The following RGCC variants were observed in gnomAD, a reference collection of about 807,000 sequenced individuals.
The protein encoded by RGCC is regulator of cell cycle.
Under a neutral mutation model 15.4 loss-of-function variants are expected in RGCC, and 15 were observed. That is an observed-to-expected ratio of 0.97 (90% CI 0.65 to 1.50). The LOEUF (loss-of-function observed/expected upper bound fraction) is 1.50, where lower values mean the gene tolerates loss of function less well. Among genes scored for constraint, RGCC ranks in the 40% most tolerant of loss-of-function variants. The pLI is 0.00. For missense variants in RGCC, 176 were observed against 189.7 expected (o/e 0.93, Z 0.42); for synonymous variants, 81 against 78.0 (o/e 1.04, Z -0.20).
chr13:41,466,251 ACT>A (rs759731845), intron 2 of RGCC, among the ~76,000 whole-genome samples: 8 of 147,552 alleles, frequency 5.4e-5, no homozygotes, highest in African/African-American at 1.5e-4. Flanking sequence ...ACACACCCAC[ACT>A]CACACACTCA....
intron 3 of RGCC, among the ~76,000 whole-genome samples, chr13:41,467,434 C>A (rs1035260484): frequency 6.6e-6 from 1 of 152,220 alleles, no homozygotes. Flanking sequence ...CAGCCTGTCT[C>A]TACTGTGGTA....
intron 2 of RGCC, among the ~76,000 whole-genome samples, chr13:41,462,051 A>G (rs187147351): frequency 5.4e-4 from 83 of 152,336 alleles, no homozygotes; most frequent in Admixed American, 3.9e-4. Flanking sequence ...TGGCGAGGCT[A>G]TCAGAATTTA....
chr13:41,469,292 T>TAAGAAGAAGAAG (rs1440435520), intron 4 of RGCC, among the ~76,000 whole-genome samples: 40 of 82,058 alleles, frequency 4.9e-4, no homozygotes, highest in African/African-American at 1.4e-3. Flanking sequence ...ATAATAATAA[T>TAAGAAGAAGAAG]AATAAGAAGA....
In RGCC at chr13:41,458,470, A is replaced by G; in HGVS notation, c.235A>G (p.Ser79Gly). 6.3e-7 allele frequency: 1 copy of G among 1,594,652 alleles called. No individual in the cohort carries two copies. Among genetic ancestry groups the G allele is most frequent in the Non-Finnish European group, 8.5e-7 (1 of 1,175,862 alleles). ...CAGCAGCGGCTTCAGCGACTCGGAGAGTAAGTGCGGCCCCCGCTAGGATGG... is the reference window on the plus strand; with the variant it reads ...CAGCAGCGGCTTCAGCGACTCGGAGGGTAAGTGCGGCCCCCGCTAGGATGG... ...SDSSGFSDSE[S>G]ADSLYRNSFS... The change falls in exon 2 of 5, where the codon AGT becomes GGT. Residue 79 changes from serine (S) to glycine (G), a missense_variant and splice_region_variant. Transcript: ENST00000379359. This position sits in a 1 kb window ranked among gnomAD's most constrained non-coding sequence, Gnocchi z 4.4.
intron 2 of RGCC, among the ~76,000 whole-genome samples, chr13:41,463,472 TG>T (rs2043831724): frequency 1.5e-3 from 1 of 678 alleles, no homozygotes; most frequent in Non-Finnish European, 0.026. Flanking sequence ...TGTGTATCTG[TG>T]TGTGTGTGTG....
chr13:41,457,791 G>A lies in RGCC; in HGVS notation c.49+35G>A, dbSNP rs948803426. ...GGGTCCGGGGTCCCCTTAAAGTCTC[G>A]GCTCTGCAGATGGCGGGTGAGAAAG... On this transcript the variant is annotated intron_variant, in intron 1 of 4. Coordinates refer to ENST00000379359, the MANE Select transcript of RGCC (RefSeq NM_014059.3). The surrounding 1 kb of genome is among the most constrained non-coding windows in gnomAD (Gnocchi z 4.9). 5 of 1,364,218 alleles carry A rather than the reference G, an allele frequency of 3.7e-6. No homozygotes were observed. Among genetic ancestry groups the A allele is most frequent in the African/African-American group, 3.1e-5 (2 of 64,780 alleles). 84.5% of individuals were successfully genotyped at this position (1,364,218 alleles called of 1,614,324 possible). A position where few individuals can be genotyped will look rare whatever the true frequency, so the allele number is the denominator to read the frequency against.
intron 2 of RGCC, among the ~76,000 whole-genome samples, chr13:41,464,452 C>T (rs1360714225): frequency 6.6e-6 from 1 of 152,028 alleles, no homozygotes; most frequent in East Asian, 1.9e-4. Flanking sequence ...AATTGGAGAG[C>T]CCACCTTTGG....
At chr13:41,460,470 A>G (rs931714263) in intron 2 of RGCC, among the ~76,000 whole-genome samples, 1 of 152,206 alleles carries the variant, frequency 6.6e-6, no homozygotes, top group East Asian at 1.9e-4. Flanking sequence ...CACTTTTAGC[A>G]AACGCTTGTT....
chr13:41,458,453 G>T lies in RGCC; in HGVS notation c.218G>T (p.Gly73Val). 6.3e-7 allele frequency: 1 copy of T among 1,598,586 alleles called. No homozygotes were observed. The change falls in exon 2 of 5, where the codon GGC becomes GTC. Residue 73 changes from glycine to valine, a missense_variant. By Grantham distance (109) the Gly-to-Val change is moderately radical. Coordinates refer to ENST00000379359, the MANE Select transcript of RGCC (RefSeq NM_014059.3). This position sits in a 1 kb window ranked among gnomAD's most constrained non-coding sequence, Gnocchi z 4.4. ...AGCGCCAGTGTCAGCGACAGCAGCG[G>T]CTTCAGCGACTCGGAGAGTAAGTGC... ...RSSASVSDSS[G>V]FSDSESADSL... is the part of the protein sequence containing the mutation.
intron 4 of RGCC, 111 bp from the exon 5 acceptor site, chr13:41,470,367 A>G (rs756098483): frequency 1.9e-6 from 2 of 1,064,376 alleles, no homozygotes; most frequent in Non-Finnish European, 1.5e-6. Context: ...TCGTGTGGGA[A>G]GCCCAGCATT....
chr13:41,467,339 T>C (rs1321602325), intron 3 of RGCC, among the ~76,000 whole-genome samples: 4 of 152,274 alleles, frequency 2.6e-5, no homozygotes, highest in African/African-American at 7.2e-5. Context: ...ATTTAACCAA[T>C]GCTTTCAGAT....
rs1022902393 is a variant in RGCC, at chr13:41,457,586, G to A, written c.-122G>A. 1.7e-5 allele frequency: 24 copies of A among 1,406,208 alleles called. No individual in the cohort carries two copies. In the African/African-American group the frequency reaches 3.6e-4, roughly 21 times the overall value. The allele number at this position is 1,406,208 out of a possible 1,614,324, so 87.1% of individuals were successfully genotyped here. On this transcript the variant is annotated 5_prime_UTR_variant, in exon 1 of 5. Transcript: ENST00000379359. This position sits in a 1 kb window ranked among gnomAD's most constrained non-coding sequence, Gnocchi z 4.9. ...GGACCGTGCTGGGAGCGGCGCGGCTGGAGCGCAGCGCCGAAGGGACTGGCA... is the reference window on the plus strand; with the variant it reads ...GGACCGTGCTGGGAGCGGCGCGGCTAGAGCGCAGCGCCGAAGGGACTGGCA...
chr13:41,460,526 C>T (rs908932047), intron 2 of RGCC, among the ~76,000 whole-genome samples: 1 of 152,196 alleles, frequency 6.6e-6, no homozygotes, highest in Non-Finnish European at 1.5e-5. Context: ...ACCATGTCTT[C>T]ACGAATAGAC....
intron 2 of RGCC, among the ~76,000 whole-genome samples, chr13:41,461,411 T>G (rs916133511): frequency 2.6e-5 from 4 of 152,238 alleles, no homozygotes; most frequent in African/African-American, 9.6e-5. Flanking sequence ...TTCAGTATTT[T>G]TAAAACTGTA....
rs995171554 is a variant in RGCC at position 41,470,761 on chromosome 13, A to G, written c.*276A>G. On this transcript the variant is annotated 3_prime_UTR_variant, in exon 5 of 5. Transcript: ENST00000379359. ...TTCTCTTAAAACATAGCTTTCCTGTAATTTAAAGTGCTTTTATGAAAATAT... is the reference window on the plus strand; with the variant it reads ...TTCTCTTAAAACATAGCTTTCCTGTGATTTAAAGTGCTTTTATGAAAATAT... The G allele has an allele frequency of 5.8e-6, 2 of 342,058 alleles. No individual in the cohort carries two copies. The highest frequency in any genetic ancestry group is 4.5e-5 in the East Asian group (1 of 21,990). 21.2% of individuals were successfully genotyped at this position (342,058 alleles called of 1,614,324 possible). A position where few individuals can be genotyped will look rare whatever the true frequency, so the allele number is the denominator to read the frequency against.
At chr13:41,469,953 TCA>T (rs1363987118) in intron 4 of RGCC, among the ~76,000 whole-genome samples, 2 of 152,208 alleles carry the variant, frequency 1.3e-5, no homozygotes, top group African/African-American at 4.8e-5. Flanking sequence ...TCCTGTTTAG[TCA>T]CAGAGTGGGC....
Position 41,458,416 on chromosome 13 carries a change from AAGCGGCGCAGCAGCGCCAGTGTC to A in RGCC, c.186_208del (p.Arg63GlnfsTer15). ...CTACGAGGAGCACCTGGAGCGCATG[AAGCGGCGCAGCAGCGCCAGTGTC>A]AGCGACAGCAGCGGCTTCAGCGACT... On this transcript the variant is annotated frameshift_variant, in exon 2 of 5. Coordinates refer to ENST00000379359, the MANE Select transcript of RGCC (RefSeq NM_014059.3). LOFTEE classifies it high-confidence loss of function. The surrounding 1 kb of genome is among the most constrained non-coding windows in gnomAD (Gnocchi z 4.4). 1 of 1,601,720 alleles carries A rather than the reference AAGCGGCGCAGCAGCGCCAGTGTC, an allele frequency of 6.2e-7. No individual in the cohort carries two copies. The highest frequency in any genetic ancestry group is 8.5e-7 in the Non-Finnish European group (1 of 1,178,890).
chr13:41,465,554 TA>T (rs67736515), intron 2 of RGCC, among the ~76,000 whole-genome samples: 100,303 of 151,348 alleles, frequency 0.66, 34,375 homozygotes, highest in South Asian at 0.81. Context: ...CCCAGAGATG[TA>T]CTAGCTCAAA....
Position 41,470,594 on chromosome 13 carries a change from A to G in RGCC, c.*109A>G. The G allele has an allele frequency of 1.8e-6, 2 of 1,100,130 alleles. No homozygotes were observed. Among genetic ancestry groups the G allele is most frequent in the Admixed American group, 3.4e-5 (2 of 58,598 alleles). The allele number at this position is 1,100,130 out of a possible 1,614,324, so 68.1% of individuals were successfully genotyped here. A position where few individuals can be genotyped will look rare whatever the true frequency, so the allele number is the denominator to read the frequency against. The stretch of plus-strand genomic sequence containing the variant: ...GCTGCCAGAGGGGACAAAGACGTGC[A>G]CTCAACCTTCTACCAGGCCACTCTC... On this transcript the variant is annotated 3_prime_UTR_variant, in exon 5 of 5. Coordinates refer to ENST00000379359, the MANE Select transcript of RGCC (RefSeq NM_014059.3).
Sources: allele counts gnomAD v4.1 joint callset (sites outside exome capture counted in the v4.1 genomes callset), GRCh38; gene constraint gnomAD v4.1.1; non-coding constraint Gnocchi (gnomAD v3.1); transcripts MANE v1.5; gene names NCBI Gene and HGNC (gene_info 2026-07-23, HGNC 2026-07-21).